The following PLXDC2 variants were observed in gnomAD, a reference collection of about 807,000 sequenced individuals.
PLXDC2 encodes the protein plexin domain-containing protein 2.
In PLXDC2, 40 loss-of-function variants were observed where a neutral mutation model predicts 68.9. That is an observed-to-expected ratio of 0.58 (90% CI 0.45 to 0.76). The LOEUF (loss-of-function observed/expected upper bound fraction) is 0.76. Ranked by LOEUF, PLXDC2 falls within the 30% of genes least tolerant of loss-of-function variation. The pLI is 0.00. For missense variants in PLXDC2, 644 were observed against 661.9 expected, an observed-to-expected ratio of 0.97 and a Z score of 0.30; for synonymous variants, 243 against 234.2, an observed-to-expected ratio of 1.04 and a Z score of -0.34.
Position 20,143,310 on chromosome 10 carries a change from G to C in PLXDC2, c.557G>C (p.Gly186Ala), listed in dbSNP as rs1564331258. ...CTAATTCTAGGTTTCATATACACTG[G>C]AGAAGTCGTACATCGAATGCTAACA... Reference protein sequence around the residue: ...TVATGGFIYTGEVVHRMLTAT... With the variant: ...TVATGGFIYTAEVVHRMLTAT... Residue 186 changes from glycine to alanine, a missense_variant, in exon 5 of 14, where the codon GGA becomes GCA. This residue lies in a region of PLXDC2 where 113 missense variants were observed against 167.1 expected (regional missense o/e 0.68). Coordinates refer to ENST00000377252, the MANE Select transcript of PLXDC2 (RefSeq NM_032812.9). 5 of 1,612,428 alleles carry C rather than the reference G, an allele frequency of 3.1e-6. No individual in the cohort carries two copies. The highest frequency in any genetic ancestry group is 4.2e-6 in the Non-Finnish European group (5 of 1,178,958).
chr10:20,126,344 C>CATATATACATATGTGTTATATA (rs1564324898), intron 4 of PLXDC2, among the ~76,000 whole-genome samples: 13 of 139,366 alleles, frequency 9.3e-5, no homozygotes, highest in Non-Finnish European at 1.8e-4. Context: ...TTATATAATA[C>CATATATACATATGTGTTATATA]ATATATACAT....
chr10:20,149,012 A>T (rs981240661), intron 6 of PLXDC2, among the ~76,000 whole-genome samples: 1 of 152,078 alleles, frequency 6.6e-6, no homozygotes, highest in Non-Finnish European at 1.5e-5. Context: ...GCAATTGTGT[A>T]AACAGGTTAT....
chr10:20,064,690 T>C (rs948503580), intron 3 of PLXDC2, among the ~76,000 whole-genome samples: 1 of 152,146 alleles, frequency 6.6e-6, no homozygotes. Context: ...ATAATCTCAA[T>C]TGGTGACCTG....
chr10:19,947,707 C>CTTTTTTTTTTTT (rs34439585), intron 1 of PLXDC2, among the ~76,000 whole-genome samples: 1 of 120,974 alleles, frequency 8.3e-6, no homozygotes, highest in African/African-American at 3.0e-5. Flanking sequence ...TTCTTTCTTT[C>CTTTTTTTTTTTT]TTTTTTTTTT....
chr10:19,820,046 A>G (rs1836433595), intron 1 of PLXDC2, among the ~76,000 whole-genome samples: 1 of 152,330 alleles, frequency 6.6e-6, no homozygotes, highest in Non-Finnish European at 1.5e-5. Context: ...TTTTTCCTTT[A>G]GAGAACAGAT....
At chr10:20,147,560 T>C (rs911303650) in intron 5 of PLXDC2, among the ~76,000 whole-genome samples, 1 of 152,182 alleles carries the variant, frequency 6.6e-6, no homozygotes, top group Non-Finnish European at 1.5e-5. Flanking sequence ...TTATTGACCT[T>C]AGTATGAGGT....
In PLXDC2 at chr10:20,003,576, G is replaced by A. The variant is rs376639254; in HGVS notation, c.324+1590G>A. On this transcript the variant is annotated intron_variant, in intron 2 of 13. Coordinates refer to ENST00000377252, the MANE Select transcript of PLXDC2 (RefSeq NM_032812.9). ...GCCTCCTGAGTAGCTGGGATTACAG[G>A]TGTGCACCACCACACCGGCTAATTT... is the stretch of plus-strand genomic sequence containing the variant. Among the ~76,000 whole-genome samples the A allele has an allele frequency of 2.2e-4, 34 of 152,198 alleles. No homozygotes were observed. The East Asian group carries it at 6.2e-3, about 28-fold the overall frequency.
At chr10:20,150,710 T>C (rs541785946) in intron 6 of PLXDC2, among the ~76,000 whole-genome samples, 106 of 152,348 alleles carry the variant, frequency 7.0e-4, no homozygotes, top group African/African-American at 2.4e-3. Context: ...GGAGGCTTTG[T>C]CAAAACAGAA....
chr10:20,009,261 G>A (rs955339787), intron 2 of PLXDC2, among the ~76,000 whole-genome samples: 6 of 152,314 alleles, frequency 3.9e-5, no homozygotes, highest in Middle Eastern at 3.4e-3. Context: ...AATAAAACAC[G>A]TACAAGGAGA....
At chr10:19,924,068 G>A (rs188822350) in intron 1 of PLXDC2, among the ~76,000 whole-genome samples, 380 of 152,164 alleles carry the variant, frequency 2.5e-3, no homozygotes, top group Non-Finnish European at 4.1e-3. Context: ...TACAGTTCCC[G>A]GAAGTCCCAA....
intron 13 of PLXDC2, among the ~76,000 whole-genome samples, chr10:20,274,800 A>C (rs1440808799): frequency 6.6e-6 from 1 of 152,026 alleles, no homozygotes; most frequent in Non-Finnish European, 1.5e-5. Context: ...CAGGACCCAA[A>C]ACCACTGTGT....
At chr10:20,238,834 A>T (rs1203096407) in intron 12 of PLXDC2, among the ~76,000 whole-genome samples, 1 of 151,032 alleles carries the variant, frequency 6.6e-6, no homozygotes, top group African/African-American at 2.4e-5. Context: ...GACAGTTCTT[A>T]CAGTCTTCTC....
intron 1 of PLXDC2, among the ~76,000 whole-genome samples, chr10:19,892,921 C>CTTTTT (rs61406547): frequency 3.1e-4 from 40 of 130,534 alleles, no homozygotes; most frequent in African/African-American, 1.1e-3. Flanking sequence ...TTGAAATGGT[C>CTTTTT]TTTTTTTTTT....
chr10:20,127,639 C>T lies in PLXDC2; in HGVS notation c.542-15656C>T, dbSNP rs1833810730. 2.0e-5 allele frequency among the ~76,000 whole-genome samples: 3 copies of T among 152,216 alleles called. No individual in the cohort carries two copies. In the East Asian group the frequency reaches 5.8e-4, roughly 29 times the overall value. ...ATATATGGGCATCTTCCTTCCAGGGCTGTTTCTGGACATTTTAAAAATGGA... is the reference window on the plus strand; with the variant it reads ...ATATATGGGCATCTTCCTTCCAGGGTTGTTTCTGGACATTTTAAAAATGGA... On this transcript the variant is annotated intron_variant, in intron 4 of 13. Transcript: ENST00000377252.
intron 3 of PLXDC2, among the ~76,000 whole-genome samples, chr10:20,060,218 G>T (rs375368686): frequency 6.6e-6 from 1 of 151,882 alleles, no homozygotes; most frequent in East Asian, 1.9e-4. Context: ...TGTAGAGACA[G>T]GGTCTTGCTA....
At chr10:19,932,646 T>C (rs576978670) in intron 1 of PLXDC2, among the ~76,000 whole-genome samples, 1 of 152,328 alleles carries the variant, frequency 6.6e-6, no homozygotes, top group African/African-American at 2.4e-5. Flanking sequence ...TAGCTCTCCA[T>C]GCAAAATGAC....
intron 9 of PLXDC2, among the ~76,000 whole-genome samples, chr10:20,206,049 C>G (rs1348095318): frequency 6.6e-6 from 1 of 151,946 alleles, no homozygotes; most frequent in African/African-American, 2.4e-5. Flanking sequence ...ACAAAAAGAT[C>G]AGTATCTGAG....
At chr10:19,849,512 T>C (rs1837075551) in intron 1 of PLXDC2, among the ~76,000 whole-genome samples, 1 of 152,126 alleles carries the variant, frequency 6.6e-6, no homozygotes, top group Non-Finnish European at 1.5e-5. Flanking sequence ...TGGGGGCAGT[T>C]CTTCATGTGA....
intron 9 of PLXDC2, among the ~76,000 whole-genome samples, chr10:20,192,681 G>A (rs1834782548): frequency 6.6e-6 from 1 of 151,952 alleles, no homozygotes; most frequent in South Asian, 2.1e-4. Flanking sequence ...CCCACATAGA[G>A]CCAGACACAT....
Sources: allele counts gnomAD v4.1 joint callset (sites outside exome capture counted in the v4.1 genomes callset), GRCh38; gene constraint gnomAD v4.1.1; regional missense constraint gnomAD v4.1.1; transcripts MANE v1.5; gene names NCBI Gene and HGNC (gene_info 2026-07-23, HGNC 2026-07-21).